Variants in HECTD4 observed in about 807,000 individuals in gnomAD.
HECTD4 encodes probable E3 ubiquitin-protein ligase HECTD4.
In HECTD4, 114 loss-of-function variants were observed where a neutral mutation model predicts 471.5. The observed-to-expected ratio is 0.24, with a 90% CI of 0.21 to 0.28. The LOEUF is 0.28. HECTD4 is among the 10% of genes least tolerant of loss of function. The pLI, the probability that HECTD4 is intolerant of heterozygous loss-of-function variation, is 1.00. For missense variants in HECTD4, 3,866 were observed against 5,651.5 expected (o/e 0.68, Z 10.13); for synonymous variants, 2,012 against 2,256.0 (o/e 0.89, Z 3.07).
At chr12:112,353,986 T>A (rs1169058867) in intron 1 of HECTD4, among the ~76,000 whole-genome samples, 1 of 152,134 alleles carries the variant, frequency 6.6e-6, no homozygotes, top group African/African-American at 2.4e-5. Flanking sequence ...TGTAGGACAG[T>A]CACTTGAGCC....
chr12:112,208,409 A>G lies in HECTD4; in HGVS notation c.8004+85T>C, dbSNP rs184501102. 4 of 1,355,050 alleles carry G rather than the reference A, an allele frequency of 3.0e-6. No individual in the cohort carries two copies. In the East Asian group the frequency reaches 7.5e-5, roughly 25 times the overall value. 83.9% of individuals were successfully genotyped at this position (1,355,050 alleles called of 1,614,324 possible). On this transcript the variant is annotated intron_variant, in intron 51 of 75. Coordinates refer to ENST00000682272, the MANE Select transcript of HECTD4 (RefSeq NM_001388303.1). ...AAAACCAGCTTTGCACTCTCACATC[A>G]AAATCACTCCTCCAGGCTTGTCCTA...
Position 112,199,080 on chromosome 12 carries a change from C to T in HECTD4, c.8567+1558G>A, listed in dbSNP as rs552543390. On this transcript the variant is annotated intron_variant, in intron 55 of 75. Coordinates refer to ENST00000682272, the MANE Select transcript of HECTD4 (RefSeq NM_001388303.1). ...TTAGGACACGGGGCTGTTGAGCCGC[C>T]GGCCGCAGGAGCCCTGCTGTGGGAC... Among the ~76,000 whole-genome samples the T allele has an allele frequency of 3.9e-5, 6 of 152,180 alleles. No homozygotes were observed. The South Asian group carries it at 6.2e-4, about 16-fold the overall frequency.
At chr12:112,244,084 A>G (rs2033702954) in intron 29 of HECTD4, 75 bp from the exon 30 acceptor site, 2 of 1,461,796 alleles carry the variant, frequency 1.4e-6, no homozygotes, top group Non-Finnish European at 1.9e-6. Flanking sequence ...AGAACTACCC[A>G]ACAGTCTAAG....
In HECTD4 at chr12:112,251,718, T is replaced by C. The variant is rs1160845498; in HGVS notation, c.3553-584A>G. 2.0e-5 allele frequency among the ~76,000 whole-genome samples: 3 copies of C among 152,226 alleles called. No individual in the cohort carries two copies. In the East Asian group the frequency reaches 5.8e-4, roughly 29 times the overall value. On this transcript the variant is annotated intron_variant, in intron 23 of 75. Coordinates refer to ENST00000682272, the MANE Select transcript of HECTD4 (RefSeq NM_001388303.1). ...CAAAGTCTAAAATACGTTTTCGGAA[T>C]CAGGCAACTGGAGGGGTAAGTAGGA...
intron 1 of HECTD4, among the ~76,000 whole-genome samples, chr12:112,352,481 G>T (rs935455784): frequency 2.0e-4 from 30 of 148,822 alleles, no homozygotes; most frequent in Middle Eastern, 3.7e-3. Flanking sequence ...GATTACAGGT[G>T]CCTGCCACTA....
At position 112,162,492 on chromosome 12, in the gene HECTD4, C is replaced by T; in HGVS notation, c.13152G>A (p.Glu4384=). ...GSPDSRYIRV[E]TCMFMIKLPQ... ...GAAGCTTGATCATGAACATGCAGGT[C>T]TCCACGCGGATGTAGCGAGAGTCTG... The change falls in exon 76 of 76, where the codon GAG becomes GAA. Residue 4384 remains glutamate (E), a synonymous_variant. Coordinates refer to ENST00000682272, the MANE Select transcript of HECTD4 (RefSeq NM_001388303.1). This position sits in a 1 kb window ranked among gnomAD's most constrained non-coding sequence, Gnocchi z 5.2. 2 of 1,614,032 alleles carry T rather than the reference C, an allele frequency of 1.2e-6. No homozygotes were observed. Among genetic ancestry groups the T allele is most frequent in the Non-Finnish European group, 1.7e-6 (2 of 1,179,886 alleles).
intron 64 of HECTD4, among the ~76,000 whole-genome samples, chr12:112,178,293 G>A (rs2031533832): frequency 6.6e-6 from 1 of 152,110 alleles, no homozygotes; most frequent in South Asian, 2.1e-4. Flanking sequence ...GCCCAGGCTG[G>A]TCTTGAACTC....
Position 112,162,498 on chromosome 12 carries a change from G to A in HECTD4, c.13146C>T (p.Arg4382=), listed in dbSNP as rs779610403. The A allele has an allele frequency of 3.1e-6, 5 of 1,614,030 alleles. No homozygotes were observed. The highest frequency in any genetic ancestry group is 1.7e-4 in the Middle Eastern group (1 of 6,060). ...TGATCATGAACATGCAGGTCTCCAC[G>A]CGGATGTAGCGAGAGTCTGGGGAAC... ...TAGSPDSRYI[R]VETCMFMIKL... The change falls in exon 76 of 76, where the codon CGC becomes CGT. Residue 4382 remains arginine (R), a synonymous_variant. Coordinates refer to ENST00000682272, the MANE Select transcript of HECTD4 (RefSeq NM_001388303.1). The surrounding 1 kb of genome is among the most constrained non-coding windows in gnomAD (Gnocchi z 5.2).
Position 112,230,538 on chromosome 12 carries a change from G to A in HECTD4, c.6336+149C>T, listed in dbSNP as rs997245075. 7 of 951,998 alleles carry A rather than the reference G, an allele frequency of 7.4e-6. No individual in the cohort carries two copies. In the African/African-American group the frequency reaches 1.2e-4, roughly 16 times the overall value. 59.0% of individuals were successfully genotyped at this position (951,998 alleles called of 1,614,324 possible). Reference sequence around the variant, plus strand: ...GGTTAACAGAGTTGAAAGTACTACAGTAAAGCAACTTCCAGGGGAAAGTCA... The same window carrying A: ...GGTTAACAGAGTTGAAAGTACTACAATAAAGCAACTTCCAGGGGAAAGTCA... On this transcript the variant is annotated intron_variant, in intron 40 of 75. Transcript: ENST00000682272.
chr12:112,273,674 G>A lies in HECTD4; in HGVS notation c.1923C>T (p.His641=), dbSNP rs2034465166. Residue 641 remains histidine, a synonymous_variant, in exon 11 of 76, where the codon CAC becomes CAT. Transcript: ENST00000682272. Reference sequence around the variant, plus strand: ...CCTCACCTTTGGGCTCAGTGATAATGTGACTGACTCCAAGTCTCTGGCAGA... The same window carrying A: ...CCTCACCTTTGGGCTCAGTGATAATATGACTGACTCCAAGTCTCTGGCAGA... ...HYVCQRLGVS[H]IITEPKEEAI... The A allele has an allele frequency of 1.2e-6, 2 of 1,613,810 alleles. No homozygotes were observed. Among genetic ancestry groups the A allele is most frequent in the African/African-American group, 1.3e-5 (1 of 74,936 alleles).
rs1241577475 is a variant in HECTD4, at chr12:112,232,992, T to G, written c.5997+12A>C. On this transcript the variant is annotated intron_variant, in intron 38 of 75. Transcript: ENST00000682272. ...AATTTCGGGTTTCATCGTTTTAACC[T>G]CATGAGGTTACCTTGGTCATGTCTC... 6.2e-7 allele frequency: 1 copy of G among 1,604,462 alleles called. No homozygotes were observed. Among genetic ancestry groups the G allele is most frequent in the Non-Finnish European group, 8.5e-7 (1 of 1,174,134 alleles).
At chr12:112,222,735 G>A (rs1009157676) in intron 44 of HECTD4, among the ~76,000 whole-genome samples, 1 of 152,226 alleles carries the variant, frequency 6.6e-6, no homozygotes, top group African/African-American at 2.4e-5. Context: ...TCAGGAGGCT[G>A]AAGCAAGAGG....
intron 7 of HECTD4, among the ~76,000 whole-genome samples, chr12:112,303,874 A>G (rs868421707): frequency 2.0e-4 from 29 of 148,048 alleles, no homozygotes; most frequent in African/African-American, 3.1e-4. Flanking sequence ...AAAAAAAAAA[A>G]GAAAAAAAAA....
intron 8 of HECTD4, among the ~76,000 whole-genome samples, chr12:112,280,470 G>A (rs891032279): frequency 2.0e-5 from 3 of 152,062 alleles, no homozygotes; most frequent in Non-Finnish European, 4.4e-5. Flanking sequence ...TCTATAGCCT[G>A]GATAGATGAA....
rs2031564292 is a variant in HECTD4, at chr12:112,178,940, T to C, written c.11354A>G (p.Asn3785Ser). The change falls in exon 64 of 76, where the codon AAC (asparagine) becomes AGC (serine). Residue 3785 changes from asparagine to serine, a missense_variant. By Grantham distance (46) the Asn-to-Ser change is conservative. Coordinates refer to ENST00000682272, the MANE Select transcript of HECTD4 (RefSeq NM_001388303.1). ...TCCTTGGGGCACGCACCTGACGCTGTTGAGCACAGCCTTGTCCTTGGCGGG... is the reference window on the plus strand; with the variant it reads ...TCCTTGGGGCACGCACCTGACGCTGCTGAGCACAGCCTTGTCCTTGGCGGG... ...KPPAKDKAVL[N>S]SVSRTALSEK... is the part of the protein sequence containing the mutation. 5.0e-6 allele frequency: 8 copies of C among 1,611,014 alleles called. No individual in the cohort carries two copies. The highest frequency in any genetic ancestry group is 6.8e-6 in the Non-Finnish European group (8 of 1,178,818).
Position 112,243,600 on chromosome 12 carries a change from G to A in HECTD4, c.4791+20C>T, listed in dbSNP as rs755459677. 5.6e-6 allele frequency: 9 copies of A among 1,606,240 alleles called. No individual in the cohort carries two copies. The highest frequency in any genetic ancestry group is 7.7e-6 in the Non-Finnish European group (9 of 1,175,556). ...TGCTGTTAGGTGCTATTCATCTGGA[G>A]CCCGCAAAATGTGACGTACAGCTTG... On this transcript the variant is annotated intron_variant, in intron 31 of 75. Transcript: ENST00000682272. The surrounding 1 kb of genome is among the most constrained non-coding windows in gnomAD (Gnocchi z 6.6).
At chr12:112,241,715 C>T (rs552724700) in intron 32 of HECTD4, among the ~76,000 whole-genome samples, 1 of 152,168 alleles carries the variant, frequency 6.6e-6, no homozygotes, top group African/African-American at 2.4e-5. Context: ...CTGCTTTGGC[C>T]TCCTTAAGTG....
At chr12:112,254,522 T>C (rs1338465793) in intron 21 of HECTD4, among the ~76,000 whole-genome samples, 1 of 152,144 alleles carries the variant, frequency 6.6e-6, no homozygotes, top group Non-Finnish European at 1.5e-5. Context: ...AACAAATAAC[T>C]CATTAATAAC....
At chr12:112,187,690 C>CA (rs947619121) in intron 60 of HECTD4, among the ~76,000 whole-genome samples, 2 of 141,524 alleles carry the variant, frequency 1.4e-5, no homozygotes, top group Non-Finnish European at 3.0e-5. Flanking sequence ...GCCGTGGTGC[C>CA]ATCTCGGCTC....
Sources: allele counts gnomAD v4.1 joint callset (sites outside exome capture counted in the v4.1 genomes callset), GRCh38; gene constraint gnomAD v4.1.1; non-coding constraint Gnocchi (gnomAD v3.1); transcripts MANE v1.5; gene names NCBI Gene and HGNC (gene_info 2026-07-23, HGNC 2026-07-21).